HIVEP3: variants seen among roughly 807,000 people sequenced by gnomAD.
The protein encoded by HIVEP3 is HIVEP zinc finger 3, also known as transcription factor HIVEP3.
In HIVEP3, 49 loss-of-function variants were observed where a neutral mutation model predicts 152.8. That is an observed-to-expected ratio of 0.32 (90% confidence interval 0.26 to 0.41). The LOEUF is 0.41. Ranked by LOEUF, HIVEP3 falls within the 10% of genes least tolerant of loss-of-function variation. HIVEP3 has a pLI of 1.00. For synonymous variants in HIVEP3, 1,269 were observed against 1,289.0 expected, an observed-to-expected ratio of 0.98 and a Z score of 0.33; for missense variants, 2,790 against 3,103.3, an observed-to-expected ratio of 0.90 and a Z score of 2.40.
chr1:41,609,978 C>T (rs562289707), intron 3 of HIVEP3, among the ~76,000 whole-genome samples: 3 of 152,350 alleles, frequency 2.0e-5, no homozygotes, highest in Admixed American at 1.3e-4. Flanking sequence ...TGAGCCTCAT[C>T]CACTCGGTTG....
chr1:42,013,455 G>T (rs958917526), intron 1 of HIVEP3, among the ~76,000 whole-genome samples: 3 of 152,126 alleles, frequency 2.0e-5, no homozygotes, highest in Admixed American at 6.5e-5. Flanking sequence ...GTCTTGCTTT[G>T]TCTCTGCTAT....
intron 1 of HIVEP3, chr1:41,847,316 C>A (rs1004376668): frequency 1.3e-5 from 2 of 152,214 alleles, no homozygotes; most frequent in African/African-American, 4.8e-5. Flanking sequence ...AGTACTCTTA[C>A]ATTACAATTG....
chr1:41,749,534 T>A (rs746883235), intron 1 of HIVEP3, among the ~76,000 whole-genome samples: 4 of 152,068 alleles, frequency 2.6e-5, no homozygotes, highest in Non-Finnish European at 5.9e-5. Context: ...GGCTCCTTCA[T>A]TCCTAAGAAA....
chr1:41,567,941 G>T (rs1401180666), intron 5 of HIVEP3, among the ~76,000 whole-genome samples: 1 of 152,220 alleles, frequency 6.6e-6, no homozygotes, highest in Admixed American at 6.5e-5. Context: ...CTGAGACCCA[G>T]AGTCTCAATT....
At chr1:41,593,278 C>T (rs1644614803) in intron 3 of HIVEP3, among the ~76,000 whole-genome samples, 1 of 152,178 alleles carries the variant, frequency 6.6e-6, no homozygotes, top group Non-Finnish European at 1.5e-5. Flanking sequence ...TATGTTCTTC[C>T]CGACGTCCTA....
chr1:41,706,590 T>C (rs1161249348), intron 1 of HIVEP3, among the ~76,000 whole-genome samples: 1 of 152,200 alleles, frequency 6.6e-6, no homozygotes, highest in Non-Finnish European at 1.5e-5. Context: ...CTGGAATACA[T>C]GTATTTTAAA....
chr1:42,027,660 T>C (rs575950991), intron 1 of HIVEP3, among the ~76,000 whole-genome samples: 1 of 152,264 alleles, frequency 6.6e-6, no homozygotes, highest in African/African-American at 2.4e-5. Context: ...ATGCTGCCGA[T>C]AAAGACATAC....
chr1:41,688,290 C>T (rs1405850443), intron 2 of HIVEP3, among the ~76,000 whole-genome samples: 1 of 152,264 alleles, frequency 6.6e-6, no homozygotes, highest in African/African-American at 2.4e-5. Context: ...TCAAAGCACA[C>T]TTCCCTGTCT....
intron 5 of HIVEP3, among the ~76,000 whole-genome samples, chr1:41,526,759 ACT>A (rs1402139863): frequency 1.5e-4 from 12 of 78,360 alleles, no homozygotes; most frequent in Non-Finnish European, 5.3e-5. Context: ...ACATCCCCAC[ACT>A]CACCCTCACA....
chr1:41,855,336 A>C (rs1042886594), intron 1 of HIVEP3, among the ~76,000 whole-genome samples: 3 of 152,268 alleles, frequency 2.0e-5, no homozygotes, highest in Admixed American at 6.5e-5. Flanking sequence ...GCAACAAAAG[A>C]CAAAATTGAC....
intron 3 of HIVEP3, among the ~76,000 whole-genome samples, chr1:41,586,512 A>C (rs1447996990): frequency 6.9e-6 from 1 of 145,500 alleles, no homozygotes; most frequent in Non-Finnish European, 1.6e-5. Flanking sequence ...TGGGTGAGTG[A>C]TGAGCATCTC....
chr1:41,557,403 G>A (rs1458852119), intron 5 of HIVEP3, among the ~76,000 whole-genome samples: 1 of 152,178 alleles, frequency 6.6e-6, no homozygotes, highest in Non-Finnish European at 1.5e-5. Flanking sequence ...GGAGGGGTGG[G>A]TATGGGTGCG....
intron 1 of HIVEP3, among the ~76,000 whole-genome samples, chr1:41,895,720 G>A (rs1644517644): frequency 6.6e-6 from 1 of 152,190 alleles, no homozygotes; most frequent in Non-Finnish European, 1.5e-5. Flanking sequence ...GCCTTCTGAG[G>A]CAGGAAGTGA....
At chr1:41,828,550 T>G (rs1037624871) in intron 1 of HIVEP3, among the ~76,000 whole-genome samples, 3 of 152,244 alleles carry the variant, frequency 2.0e-5, no homozygotes, top group Admixed American at 2.0e-4. Flanking sequence ...AGAGATACTT[T>G]AAGCCAGTGG....
At chr1:41,667,157 T>C (rs988447085) in intron 2 of HIVEP3, among the ~76,000 whole-genome samples, 2 of 152,214 alleles carry the variant, frequency 1.3e-5, no homozygotes, top group African/African-American at 4.8e-5. Flanking sequence ...TTCATGTGTC[T>C]GCTGCCCCCT....
intron 1 of HIVEP3, among the ~76,000 whole-genome samples, chr1:41,925,500 G>GT (rs1207772589): frequency 6.6e-6 from 1 of 152,146 alleles, no homozygotes; most frequent in Non-Finnish European, 1.5e-5. Context: ...CATCCTTGTG[G>GT]TCTTCACATT....
intron 1 of HIVEP3, among the ~76,000 whole-genome samples, chr1:41,952,191 A>G (rs1377310101): frequency 6.6e-6 from 1 of 152,182 alleles, no homozygotes; most frequent in Non-Finnish European, 1.5e-5. Flanking sequence ...TATTTTATCA[A>G]TTTAACCCCT....
At chr1:41,633,213 C>T (rs1645221452) in intron 2 of HIVEP3, among the ~76,000 whole-genome samples, 1 of 152,102 alleles carries the variant, frequency 6.6e-6, no homozygotes, top group African/African-American at 2.4e-5. Context: ...CCCGCAACAC[C>T]CCTCAAATAA....
chr1:41,957,422 C>T lies in HIVEP3; in HGVS notation n.120-38898G>A, dbSNP rs115165502. On this transcript the variant is annotated intron_variant and non_coding_transcript_variant, in intron 1 of 3. Coordinates refer to the HIVEP3 transcript ENST00000489103. ...GAAAACTATTGAGCACAGCCCTAGT[C>T]TAACACAGTGGAGCTGAACCACTTG... Among the ~76,000 whole-genome samples, 484 of 152,324 alleles carry T rather than the reference C, an allele frequency of 3.2e-3. 3 individuals are homozygous for T. The highest frequency in any genetic ancestry group is 0.011 in the African/African-American group (463 of 41,570).
Sources: allele counts gnomAD v4.1 joint callset (sites outside exome capture counted in the v4.1 genomes callset), GRCh38; gene constraint gnomAD v4.1.1; transcripts MANE v1.5; gene names NCBI Gene and HGNC (gene_info 2026-07-23, HGNC 2026-07-21).